The following SYN2 variants were observed in gnomAD, a reference collection of about 807,000 sequenced individuals.
SYN2 encodes synapsin-2.
Under a neutral mutation model 50.9 loss-of-function variants are expected in SYN2, and 19 were observed. The ratio of observed to expected loss-of-function variants is 0.37; its 90% CI spans 0.26 to 0.55. SYN2 has a LOEUF of 0.55. Among genes scored for constraint, SYN2 ranks in the 20% least tolerant of loss-of-function variants. The probability of loss-of-function intolerance (pLI) is 0.81; values close to 1 mark genes in which losing one functional copy is unlikely to be tolerated. For missense variants in SYN2, 587 were observed against 576.4 expected (o/e 1.02, Z -0.19); for synonymous variants, 255 against 224.9 (o/e 1.13, Z -1.20).
chr3:12,132,025 CT>C (rs1467420347), intron 1 of SYN2, among the ~76,000 whole-genome samples: 1 of 140,650 alleles, frequency 7.1e-6, no homozygotes, highest in African/African-American at 2.9e-5. Context: ...TTTTCTTTTT[CT>C]TTTTTTTCTT....
At chr3:12,106,538 A>T (rs1046140385) in intron 1 of SYN2, among the ~76,000 whole-genome samples, 1 of 152,192 alleles carries the variant, frequency 6.6e-6, no homozygotes, top group Non-Finnish European at 1.5e-5. Context: ...CTGCCACATC[A>T]TAACGTTTAG....
At chr3:12,070,648 C>T in intron 1 of SYN2, 1 of 1,338,914 alleles carries the variant, frequency 7.5e-7, no homozygotes. Flanking sequence ...GCCATCCAGG[C>T]CATGCTGTCC....
intron 1 of SYN2, among the ~76,000 whole-genome samples, chr3:12,128,289 A>G (rs1288567884): frequency 1.3e-5 from 2 of 152,120 alleles, no homozygotes; most frequent in Admixed American, 1.3e-4. Context: ...AAGCGCTCTG[A>G]GTGGAAATCG....
At chr3:12,115,241 C>T (rs1023461819) in intron 1 of SYN2, among the ~76,000 whole-genome samples, 3 of 152,070 alleles carry the variant, frequency 2.0e-5, no homozygotes, top group East Asian at 3.9e-4. Flanking sequence ...CACCTTATTC[C>T]GGTTTATCAT....
In SYN2 at chr3:12,168,362, C is replaced by T. The variant is rs567151858; in HGVS notation, c.1056-14C>T. 6.2e-7 allele frequency: 1 copy of T among 1,610,004 alleles called. No individual in the cohort carries two copies. The highest frequency in any genetic ancestry group is 2.2e-5 in the East Asian group (1 of 44,834). Reference sequence around the variant, plus strand: ...AATTGCCCCAGCTTCAGGACACCTTCCCATCACCTCCAGGTACAAACTGTG... The same window carrying T: ...AATTGCCCCAGCTTCAGGACACCTTTCCATCACCTCCAGGTACAAACTGTG... On this transcript the variant is annotated splice_polypyrimidine_tract_variant and intron_variant, in intron 8 of 12. Transcript: ENST00000621198.
At position 12,031,988 on chromosome 3, in the gene SYN2, C is replaced by T. The variant is rs560644022; in HGVS notation, c.377+27060C>T. ...TTCTTCCTAGTCTCAATGGTCTTTA[C>T]AATTTGGCATGATTTTGCAGCGGCT... On this transcript the variant is annotated intron_variant, in intron 1 of 12. Coordinates refer to ENST00000621198, the MANE Select transcript of SYN2 (RefSeq NM_133625.6). Among the ~76,000 whole-genome samples, 32 of 148,704 alleles carry T rather than the reference C, an allele frequency of 2.2e-4. 1 individual carries two copies. In the East Asian group the frequency reaches 6.0e-3, roughly 28 times the overall value.
chr3:12,069,212 T>G lies in SYN2; in HGVS notation c.377+64284T>G, dbSNP rs147908122. Among the ~76,000 whole-genome samples, 512 of 152,050 alleles carry G rather than the reference T, an allele frequency of 3.4e-3. 3 individuals are homozygous for G. Among genetic ancestry groups the G allele is most frequent in the Middle Eastern group, 0.017 (5 of 290 alleles). The stretch of plus-strand genomic sequence containing the variant: ...CACTTTTTGGCCGTATGAATAACGC[T>G]GCCATGAACATTTGTGTACAAATTG... On this transcript the variant is annotated intron_variant, in intron 1 of 12. Coordinates refer to ENST00000621198, the MANE Select transcript of SYN2 (RefSeq NM_133625.6).
intron 1 of SYN2, among the ~76,000 whole-genome samples, chr3:12,098,658 A>T (rs1247084100): frequency 6.6e-6 from 1 of 151,932 alleles, no homozygotes; most frequent in Non-Finnish European, 1.5e-5. Flanking sequence ...GGGAATAAAA[A>T]ATTAAGATAT....
chr3:12,051,367 T>C (rs1018234795), intron 1 of SYN2, among the ~76,000 whole-genome samples: 12 of 148,332 alleles, frequency 8.1e-5, no homozygotes, highest in Non-Finnish European at 1.6e-4. Context: ...TGCTTAGATA[T>C]GAGCTGCTAC....
chr3:12,085,417 TATATG>T (rs1343063859), intron 1 of SYN2, among the ~76,000 whole-genome samples: 2 of 151,900 alleles, frequency 1.3e-5, no homozygotes, highest in Non-Finnish European at 2.9e-5. Flanking sequence ...AGCACCTAAA[TATATG>T]TGGTGAATAT....
chr3:12,086,332 T>C (rs2125178192), intron 1 of SYN2, among the ~76,000 whole-genome samples: 1 of 152,158 alleles, frequency 6.6e-6, no homozygotes, highest in South Asian at 2.1e-4. Flanking sequence ...TTCCAAAAAA[T>C]GGAAGAGGAG....
chr3:12,112,781 A>G (rs1696351531), intron 1 of SYN2, among the ~76,000 whole-genome samples: 3 of 152,204 alleles, frequency 2.0e-5, no homozygotes, highest in Admixed American at 2.0e-4. Flanking sequence ...ATACTATACC[A>G]CAGCTGCTTC....
At chr3:12,164,258 TAAAAG>T (rs1240982421) in intron 7 of SYN2, among the ~76,000 whole-genome samples, 3 of 152,174 alleles carry the variant, frequency 2.0e-5, no homozygotes, top group African/African-American at 7.2e-5. Flanking sequence ...TCTTGATCCT[TAAAAG>T]AAGACACCTA....
Position 12,187,597 on chromosome 3 carries a change from C to G in SYN2, c.1598C>G (p.Pro533Arg). 6.5e-7 allele frequency: 1 copy of G among 1,549,846 alleles called. No individual in the cohort carries two copies. Among genetic ancestry groups the G allele is most frequent in the Non-Finnish European group, 8.7e-7 (1 of 1,145,200 alleles). Residue 533 changes from proline to arginine, a missense_variant, in exon 12 of 13, where the codon CCT becomes CGT. Physicochemically the swap from Pro to Arg is moderately radical, Grantham distance 103 (BLOSUM62 -2). Coordinates refer to ENST00000621198, the MANE Select transcript of SYN2 (RefSeq NM_133625.6). ...GCTGCTCCACCACAGAAGCCCCAGC[C>G]TCACCCACAGCTCAAGTAAGAGACA... is the stretch of plus-strand genomic sequence containing the variant. ...PLAAPPQKPQ[P>R]HPQLNKSQSL...
intron 1 of SYN2, among the ~76,000 whole-genome samples, chr3:12,136,702 C>T (rs1696901396): frequency 6.6e-6 from 1 of 152,150 alleles, no homozygotes; most frequent in African/African-American, 2.4e-5. Context: ...AATCTAGAAG[C>T]TTCTGCTCAT....
chr3:12,128,813 G>T (rs1696727464), intron 1 of SYN2, among the ~76,000 whole-genome samples: 1 of 152,064 alleles, frequency 6.6e-6, no homozygotes, highest in African/African-American at 2.4e-5. Flanking sequence ...TACATAAAAA[G>T]AGGAGGAAAA....
intron 5 of SYN2, chr3:12,158,943 A>G (rs925208907): frequency 7.1e-7 from 1 of 1,411,036 alleles, no homozygotes; most frequent in Non-Finnish European, 9.2e-7. Context: ...AGGCTTTATG[A>G]GGTGGCCCTA....
intron 1 of SYN2, among the ~76,000 whole-genome samples, chr3:12,022,790 C>T (rs1429869039): frequency 6.6e-6 from 1 of 151,716 alleles, no homozygotes; most frequent in Non-Finnish European, 1.5e-5. Flanking sequence ...TCAAGCGATC[C>T]TCCTGCCTTA....
chr3:12,148,605 C>G (rs1697207594), intron 4 of SYN2: 1 of 152,194 alleles, frequency 6.6e-6, no homozygotes, highest in African/African-American at 2.4e-5. Context: ...ATTTGGGGAG[C>G]AGAAGTGGAC....
Sources: gnomAD v4.1 joint callset for allele counts (sites outside exome capture counted in the v4.1 genomes callset) on GRCh38, gnomAD v4.1.1 for gene constraint, MANE v1.5 for transcripts, NCBI Gene and HGNC (gene_info 2026-07-23, HGNC 2026-07-21) for gene names.